Variants in TRPV5 observed in about 807,000 individuals in gnomAD.
TRPV5 encodes the protein transient receptor potential cation channel subfamily V member 5.
Under a neutral mutation model 74.1 loss-of-function variants are expected in TRPV5, and 66 were observed. The observed-to-expected ratio is 0.89, with a 90% CI of 0.73 to 1.09. The LOEUF is 1.09. TRPV5 is among the 50% of genes least tolerant of loss of function. The pLI, the probability that TRPV5 is intolerant of heterozygous loss-of-function variation, is 0.00. For missense variants in TRPV5, 936 were observed against 930.4 expected, an observed-to-expected ratio of 1.01 and a Z score of -0.08; for synonymous variants, 399 against 360.7, an observed-to-expected ratio of 1.11 and a Z score of -1.20.
At chr7:142,915,131 A>G (rs1388740009) in intron 10 of TRPV5, 85 bp from the exon 11 acceptor site, 1 of 1,545,392 alleles carries the variant, frequency 6.5e-7, no homozygotes, top group Non-Finnish European at 8.8e-7. Flanking sequence ...GGTGGTATCC[A>G]CACACTCAGG....
At chr7:142,924,399 C>T (rs558203101) in intron 8 of TRPV5, among the ~76,000 whole-genome samples, 4 of 131,326 alleles carry the variant, frequency 3.0e-5, no homozygotes, top group South Asian at 2.4e-4. Context: ...TATACATATA[C>T]ATGTATATAT....
chr7:142,921,811 T>A (rs552755490), intron 8 of TRPV5, among the ~76,000 whole-genome samples: 12 of 152,338 alleles, frequency 7.9e-5, no homozygotes, highest in Admixed American at 7.2e-4. Flanking sequence ...CTGGACAACC[T>A]CACCTGGAGG....
intron 13 of TRPV5, among the ~76,000 whole-genome samples, chr7:142,912,239 T>C (rs139972315): frequency 2.6e-4 from 40 of 152,308 alleles, no homozygotes; most frequent in African/African-American, 7.9e-4. Flanking sequence ...CAAGGATCAA[T>C]CCTAGGTCTA....
intron 12 of TRPV5, 21 bp from the exon 13 acceptor site, chr7:142,912,771 A>C (rs367749226): frequency 7.5e-6 from 12 of 1,608,652 alleles, no homozygotes; most frequent in Non-Finnish European, 9.4e-6. Flanking sequence ...CAGGAAGAGG[A>C]CATGGAGATG....
chr7:142,915,253 C>A, intron 10 of TRPV5, 54 bp downstream of exon 10: 1 of 1,597,598 alleles, frequency 6.3e-7, no homozygotes, highest in Non-Finnish European at 8.5e-7. Context: ...GAGCTGGAGA[C>A]AGGAAAAGAT....
chr7:142,920,412 T>C (rs918969139), intron 8 of TRPV5, among the ~76,000 whole-genome samples: 1 of 152,144 alleles, frequency 6.6e-6, no homozygotes, highest in Non-Finnish European at 1.5e-5. Flanking sequence ...TATGAATCAG[T>C]ATCTGGGGGT....
At chr7:142,915,645 T>C in intron 8 of TRPV5, 77 bp from the exon 9 acceptor site, 1 of 1,442,880 alleles carries the variant, frequency 6.9e-7, no homozygotes, top group East Asian at 2.4e-5. Context: ...CGAAAGCTGC[T>C]AAAGCCCATC....
Position 142,928,775 on chromosome 7 carries a change from C to T in TRPV5, c.678G>A (p.Gly226=), listed in dbSNP as rs925028972. The T allele has an allele frequency of 3.1e-6, 5 of 1,613,984 alleles. No homozygotes were observed. In the African/African-American group the frequency reaches 6.7e-5, roughly 22 times the overall value. ...CAAGGTCCAGGGGCTGCAGGTGGTCCCCATGTCCATCATAGGACAGCAGCA... is the reference window on the plus strand; with the variant it reads ...CAAGGTCCAGGGGCTGCAGGTGGTCTCCATGTCCATCATAGGACAGCAGCA... The part of the protein sequence containing the change: ...YNLLLSYDGH[G]DHLQPLDLVP... The change falls in exon 6 of 15, where the codon GGG becomes GGA. Residue 226 remains glycine (G), a synonymous_variant. Coordinates refer to ENST00000265310, the MANE Select transcript of TRPV5 (RefSeq NM_019841.7).
chr7:142,919,459 C>T (rs1437034161), intron 8 of TRPV5, among the ~76,000 whole-genome samples: 2 of 152,072 alleles, frequency 1.3e-5, no homozygotes, highest in African/African-American at 4.8e-5. Flanking sequence ...ATCTGGAGGC[C>T]TAAGAGGAAA....
chr7:142,914,208 T>C (rs1311124886), intron 12 of TRPV5, among the ~76,000 whole-genome samples: 2 of 152,254 alleles, frequency 1.3e-5, no homozygotes, highest in Non-Finnish European at 2.9e-5. Flanking sequence ...AAGCAAGTTA[T>C]ATGTTGTTGA....
At chr7:142,921,829 C>T (rs1468444449) in intron 8 of TRPV5, among the ~76,000 whole-genome samples, 1 of 152,218 alleles carries the variant, frequency 6.6e-6, no homozygotes, top group Non-Finnish European at 1.5e-5. Flanking sequence ...AGGTACCCAA[C>T]CCAACTCTCT....
chr7:142,912,866 A>ATCTG, intron 12 of TRPV5, 116 bp from the exon 13 acceptor site: 2 of 1,048,346 alleles, frequency 1.9e-6, no homozygotes, highest in Middle Eastern at 6.1e-4. Context: ...CTATCTATCT[A>ATCTG]TCTATCTATC....
At chr7:142,923,454 A>T (rs1290778536) in intron 8 of TRPV5, among the ~76,000 whole-genome samples, 1 of 152,240 alleles carries the variant, frequency 6.6e-6, no homozygotes, top group Non-Finnish European at 1.5e-5. Flanking sequence ...GTCATCCCAT[A>T]AATCAGGGCC....
In TRPV5 at chr7:142,908,325, C is replaced by A; in HGVS notation, c.*189G>T. The A allele has an allele frequency of 1.5e-6, 1 of 655,082 alleles. No individual in the cohort carries two copies. The highest frequency in any genetic ancestry group is 2.8e-5 in the East Asian group (1 of 36,234). 40.6% of individuals were successfully genotyped at this position (655,082 alleles called of 1,614,324 possible). On this transcript the variant is annotated 3_prime_UTR_variant, in exon 15 of 15. Transcript: ENST00000265310. ...GAGCCCAGAAAATACGTGAGACAATCGATGACCATTGCCCATTGCCAGAAA... is the reference window on the plus strand; with the variant it reads ...GAGCCCAGAAAATACGTGAGACAATAGATGACCATTGCCCATTGCCAGAAA...
rs1453823231 is a variant in TRPV5, at chr7:142,912,873, T to TATCTATCTATC, written c.1520-124_1520-123insGATAGATAGAT. On this transcript the variant is annotated intron_variant, in intron 12 of 14. Coordinates refer to ENST00000265310, the MANE Select transcript of TRPV5 (RefSeq NM_019841.7). ...CTATCTATCTATCTATCTATCTATCTATCTATCTAAATACACTTGCACACA... is the reference window on the plus strand; with the variant it reads ...CTATCTATCTATCTATCTATCTATCTATCTATCTATCATCTATCTAAATACACTTGCACACA... 258 of 1,105,398 alleles carry TATCTATCTATC rather than the reference T, an allele frequency of 2.3e-4. 2 individuals carry two copies. The East Asian group carries it at 6.2e-3, about 27-fold the overall frequency. 68.5% of individuals were successfully genotyped at this position (1,105,398 alleles called of 1,614,324 possible). A position where few individuals can be genotyped will look rare whatever the true frequency, so the allele number is the denominator to read the frequency against.
intron 8 of TRPV5, among the ~76,000 whole-genome samples, chr7:142,924,166 G>A (rs1586223096): frequency 6.7e-6 from 1 of 149,896 alleles, no homozygotes; most frequent in Middle Eastern, 3.5e-3. Flanking sequence ...GTCCTCCCCA[G>A]GCAGCAAGAC....
chr7:142,923,224 AAT>A (rs1443919219), intron 8 of TRPV5, among the ~76,000 whole-genome samples: 1 of 152,190 alleles, frequency 6.6e-6, no homozygotes, highest in Non-Finnish European at 1.5e-5. Context: ...CCAGCTAACT[AAT>A]ATGTCAACAA....
intron 8 of TRPV5, among the ~76,000 whole-genome samples, chr7:142,915,771 C>A (rs1795786193): frequency 6.6e-6 from 1 of 152,186 alleles, no homozygotes; most frequent in Admixed American, 6.5e-5. Context: ...TAATAGACGT[C>A]ACATATGCTA....
chr7:142,925,150 C>G, intron 8 of TRPV5: 1 of 429,210 alleles, frequency 2.3e-6, no homozygotes, highest in Non-Finnish European at 4.2e-6. Flanking sequence ...CCAAATACAA[C>G]AAAAATGGAC....
Sources: allele counts gnomAD v4.1 joint callset (sites outside exome capture counted in the v4.1 genomes callset), GRCh38; gene constraint gnomAD v4.1.1; transcripts MANE v1.5; gene names NCBI Gene and HGNC (gene_info 2026-07-23, HGNC 2026-07-21).